SH3RF3: variants seen among roughly 807,000 people sequenced by gnomAD.
SH3RF3 encodes the protein E3 ubiquitin-protein ligase SH3RF3.
SH3RF3 carries 29 observed loss-of-function variants against 66.3 expected under a neutral mutation model. The ratio of observed to expected loss-of-function variants is 0.44; its 90% CI spans 0.33 to 0.60. The LOEUF is 0.60. Ranked by LOEUF, SH3RF3 falls within the 20% of genes least tolerant of loss-of-function variation. The pLI, the probability that SH3RF3 is intolerant of heterozygous loss-of-function variation, is 0.04. For synonymous variants in SH3RF3, 583 were observed against 532.0 expected (o/e 1.10, Z -1.32); for missense variants, 1,194 against 1,190.9 (o/e 1.00, Z -0.04).
At chr2:109,383,633 C>T (rs979064291) in intron 3 of SH3RF3, among the ~76,000 whole-genome samples, 6 of 152,158 alleles carry the variant, frequency 3.9e-5, no homozygotes, top group Non-Finnish European at 8.8e-5. Flanking sequence ...TCTGTAACCA[C>T]CTGAATTCCA....
At chr2:109,476,547 G>T (rs1678687612) in intron 8 of SH3RF3, among the ~76,000 whole-genome samples, 1 of 152,218 alleles carries the variant, frequency 6.6e-6, no homozygotes, top group African/African-American at 2.4e-5. Context: ...AAGGCTAAAA[G>T]ATACTGGACT....
chr2:109,402,592 C>T (rs34200716), intron 4 of SH3RF3, among the ~76,000 whole-genome samples: 46,620 of 152,156 alleles, frequency 0.31, 8,455 homozygotes, highest in Non-Finnish European at 0.41. Flanking sequence ...CTGCAGCAGC[C>T]AGTCCCCTGC....
intron 1 of SH3RF3, among the ~76,000 whole-genome samples, chr2:109,288,238 A>G (rs1021246513): frequency 6.6e-6 from 1 of 152,246 alleles, no homozygotes; most frequent in African/African-American, 2.4e-5. Context: ...TCAAGAACAA[A>G]GAAAGTTAAA....
At chr2:109,449,019 C>T in intron 7 of SH3RF3, 151 bp from the exon 8 acceptor site, 2 of 887,708 alleles carry the variant, frequency 2.3e-6, no homozygotes, top group Non-Finnish European at 3.3e-6. Flanking sequence ...GTTTCTCCAT[C>T]TGTGAAGAGG....
chr2:109,463,411 C>T (rs1678258988), intron 8 of SH3RF3, among the ~76,000 whole-genome samples: 1 of 152,184 alleles, frequency 6.6e-6, no homozygotes, highest in African/African-American at 2.4e-5. Flanking sequence ...TCCAGGTTTC[C>T]CAGTTCCATG....
intron 2 of SH3RF3, among the ~76,000 whole-genome samples, chr2:109,352,977 T>A (rs1559039028): frequency 6.6e-6 from 1 of 152,264 alleles, no homozygotes; most frequent in Non-Finnish European, 1.5e-5. Flanking sequence ...CTCCTCTCCA[T>A]GGGCACGCCT....
intron 1 of SH3RF3, among the ~76,000 whole-genome samples, chr2:109,319,561 A>G (rs766114977): frequency 6.6e-6 from 1 of 152,248 alleles, no homozygotes; most frequent in Admixed American, 6.5e-5. Context: ...CACAGGGCTG[A>G]AAACAAGCCC....
At chr2:109,303,731 G>A (rs148482248) in intron 1 of SH3RF3, among the ~76,000 whole-genome samples, 1 of 152,156 alleles carries the variant, frequency 6.6e-6, no homozygotes, top group Non-Finnish European at 1.5e-5. Context: ...GGCCTGGTTG[G>A]CATATAAAAA....
At chr2:109,330,394 C>T (rs1255134357) in intron 1 of SH3RF3, among the ~76,000 whole-genome samples, 1 of 152,066 alleles carries the variant, frequency 6.6e-6, no homozygotes, top group African/African-American at 2.4e-5. Flanking sequence ...TCAGAATTAT[C>T]CAAGACTTTC....
chr2:109,489,381 T>C (rs1180348148), intron 8 of SH3RF3, among the ~76,000 whole-genome samples: 3 of 152,244 alleles, frequency 2.0e-5, no homozygotes, highest in Non-Finnish European at 2.9e-5. Context: ...CTGGGGGGAC[T>C]TGGCTGGGGC....
intron 1 of SH3RF3, among the ~76,000 whole-genome samples, chr2:109,192,543 C>T (rs901359659): frequency 6.6e-6 from 1 of 152,078 alleles, no homozygotes; most frequent in African/African-American, 2.4e-5. Flanking sequence ...ATTTCTATGC[C>T]TGTGCCAGCG....
intron 2 of SH3RF3, among the ~76,000 whole-genome samples, chr2:109,357,120 A>T (rs1682961719): frequency 6.6e-6 from 1 of 150,908 alleles, no homozygotes; most frequent in South Asian, 2.1e-4. Context: ...CATATCAGAA[A>T]GTTCACTAAT....
intron 1 of SH3RF3, among the ~76,000 whole-genome samples, chr2:109,186,214 C>T (rs535836328): frequency 6.6e-6 from 1 of 152,358 alleles, no homozygotes; most frequent in African/African-American, 2.4e-5. Flanking sequence ...GAAAAGAAGA[C>T]GAAGTGAACT....
At chr2:109,443,321 T>C (rs1677620784) in intron 7 of SH3RF3, among the ~76,000 whole-genome samples, 1 of 152,234 alleles carries the variant, frequency 6.6e-6, no homozygotes. Context: ...GCCAAAACTT[T>C]CTGCATTGTA....
chr2:109,150,717 C>T (rs11676676), intron 1 of SH3RF3, among the ~76,000 whole-genome samples: 24,370 of 152,026 alleles, frequency 0.16, 2,004 homozygotes, highest in Middle Eastern at 0.2. Context: ...AGCCTCATTT[C>T]ACAGAGCAGG....
chr2:109,140,247 C>T (rs1226597770), intron 1 of SH3RF3, among the ~76,000 whole-genome samples: 1 of 152,218 alleles, frequency 6.6e-6, no homozygotes, highest in African/African-American at 2.4e-5. Context: ...GTTTGGAGTT[C>T]TCTCTCTTCC....
intron 4 of SH3RF3, among the ~76,000 whole-genome samples, chr2:109,400,581 A>G (rs544427928): frequency 1.5e-3 from 231 of 151,900 alleles, no homozygotes; most frequent in African/African-American, 5.3e-3. Context: ...GTGCGCACAC[A>G]CACACACACT....
chr2:109,493,449 A>T (rs898413637), intron 9 of SH3RF3, among the ~76,000 whole-genome samples: 3 of 151,552 alleles, frequency 2.0e-5, no homozygotes, highest in Non-Finnish European at 4.4e-5. Flanking sequence ...ATGTGCAAAC[A>T]CACTCCACAT....
chr2:109,227,659 G>A (rs1438931610), intron 1 of SH3RF3, among the ~76,000 whole-genome samples: 1 of 152,178 alleles, frequency 6.6e-6, no homozygotes, highest in Admixed American at 6.5e-5. Context: ...GGGGTACACG[G>A]CAGCTCCCCT....
Sources: gnomAD v4.1 joint callset for allele counts (sites outside exome capture counted in the v4.1 genomes callset) on GRCh38, gnomAD v4.1.1 for gene constraint, MANE v1.5 for transcripts, NCBI Gene and HGNC (gene_info 2026-07-23, HGNC 2026-07-21) for gene names.